ZNF800: variants seen among roughly 807,000 people sequenced by gnomAD.
ZNF800 encodes the protein zinc finger protein 800.
Under a neutral mutation model 59.5 loss-of-function variants are expected in ZNF800, and 13 were observed. The observed-to-expected ratio is 0.22, with a 90% CI of 0.14 to 0.35. ZNF800 has a LOEUF of 0.35. Among genes scored for constraint, ZNF800 ranks in the 10% least tolerant of loss-of-function variants. The pLI is 1.00. For missense variants in ZNF800, 621 were observed against 783.7 expected (o/e 0.79, Z 2.48); for synonymous variants, 266 against 265.7 (o/e 1.00, Z -0.01).
chr7:127,375,043 G>A lies in ZNF800; in HGVS notation c.302-9C>T, dbSNP rs776134122. 165 of 1,528,242 alleles carry A rather than the reference G, an allele frequency of 1.1e-4. No homozygotes were observed. The highest frequency in any genetic ancestry group is 1.4e-4 in the Non-Finnish European group (162 of 1,144,216). The allele number at this position is 1,528,242 out of a possible 1,614,324, so 94.7% of individuals were successfully genotyped here. A position where few individuals can be genotyped will look rare whatever the true frequency, so the allele number is the denominator to read the frequency against. On this transcript the variant is annotated splice_polypyrimidine_tract_variant and intron_variant, in intron 4 of 5. Coordinates refer to ENST00000265827, the MANE Select transcript of ZNF800 (RefSeq NM_176814.5). ...ATTTACATCAGGAAGGTCTGTTAAG[G>A]AAAAAACAACATTTTAATCTGAAGT...
At chr7:127,384,227 C>CTTTTT (rs577977623) in intron 3 of ZNF800, among the ~76,000 whole-genome samples, 1,929 of 63,276 alleles carry the variant, frequency 0.03, 383 homozygotes, top group African/African-American at 0.071. Flanking sequence ...ATTCTAACTT[C>CTTTTT]TTTTTTTTTT....
downstream of ZNF800, among the ~76,000 whole-genome samples, chr7:127,343,235 A>G (rs1024409054): frequency 1.3e-5 from 2 of 151,812 alleles, no homozygotes; most frequent in African/African-American, 4.8e-5. Context: ...ATGAAAAGTT[A>G]TATTAATATT....
In ZNF800 at chr7:127,373,391, C is replaced by T; in HGVS notation, c.1945G>A (p.Glu649Lys). The T allele has an allele frequency of 6.2e-7, 1 of 1,612,082 alleles. No homozygotes were observed. The highest frequency in any genetic ancestry group is 8.5e-7 in the Non-Finnish European group (1 of 1,178,920). ...CTTCGGCCTTTGGTTTTGTTTCCTT[C>T]AGGTGAATTGGAAGCATTTGCCTTA... is the stretch of plus-strand genomic sequence containing the variant. ...THKANASNSPEGNKTKGRSTR... is the reference protein window; with the variant it reads ...THKANASNSPKGNKTKGRSTR... The change falls in exon 5 of 6, where the codon GAA becomes AAA. Residue 649 changes from glutamate to lysine, a missense_variant. By Grantham distance (56) the Glu-to-Lys change is moderately conservative. This residue lies in a region of ZNF800 where 94 missense variants were observed against 108.5 expected (regional missense o/e 0.87). Transcript: ENST00000265827.
rs572432761 is a variant in ZNF800 at position 127,374,004 on chromosome 7, C to T, written c.1332G>A (p.Pro444=). The T allele has an allele frequency of 1.4e-5, 22 of 1,613,846 alleles. No individual in the cohort carries two copies. Among genetic ancestry groups the T allele is most frequent in the South Asian group, 9.9e-5 (9 of 91,062 alleles). The change falls in exon 5 of 6, where the codon CCG becomes CCA. Residue 444 remains proline (P), a synonymous_variant. Coordinates refer to ENST00000265827, the MANE Select transcript of ZNF800 (RefSeq NM_176814.5). ...GTTTAACTTTATTTTTCTGTGCTGC[C>T]GGTGTGTTCTTTTTTTCATTTGAAT... is the stretch of plus-strand genomic sequence containing the variant. The part of the protein sequence containing the change: ...TNHSNEKKNT[P]AAQKNKVKQD...
At chr7:127,349,823 T>C (rs1800137750) in intron 1 of ZNF800, 1 of 152,198 alleles carries the variant, frequency 6.6e-6, no homozygotes, top group Non-Finnish European at 1.5e-5. Context: ...CAAACAATGT[T>C]AAATACAAAT....
chr7:127,374,253 G>A lies in ZNF800; in HGVS notation c.1083C>T (p.Cys361=). The change falls in exon 5 of 6, where the codon TGC becomes TGT. Residue 361 remains cysteine, a synonymous_variant. Transcript: ENST00000265827. The part of the protein sequence containing the change: ...KAEYNLTACK[C]LLCKRKYSSQ... ...AACTATATTTCCTCTTGCAAAGGAG[G>A]CATTTGCATGCAGTTAAATTGTATT... The A allele has an allele frequency of 1.9e-6, 3 of 1,613,898 alleles. No homozygotes were observed. Among genetic ancestry groups the A allele is most frequent in the South Asian group, 1.1e-5 (1 of 91,074 alleles).
rs138285367 is a variant in ZNF800, at chr7:127,391,513, G to A, written c.45C>T (p.His15=). The change falls in exon 2 of 6, where the codon CAC becomes CAT. Residue 15 remains histidine, a synonymous_variant. Coordinates refer to ENST00000265827, the MANE Select transcript of ZNF800 (RefSeq NM_176814.5). ...DKYCQTDHHH[H]GCCEPVYILE... ...GGGGTCTACCTGGTTCACAGCATCC[G>A]TGATGATGGTGGTCAGTCTGACAGT... The A allele has an allele frequency of 4.3e-6, 7 of 1,614,190 alleles. No individual in the cohort carries two copies. The highest frequency in any genetic ancestry group is 1.3e-5 in the African/African-American group (1 of 75,042).
At chr7:127,351,542 T>C (rs1025582651) in intron 1 of ZNF800, 2 of 152,220 alleles carry the variant, frequency 1.3e-5, no homozygotes, top group African/African-American at 4.8e-5. Flanking sequence ...ACTTCCCAGA[T>C]GGATGGAGAG....
intron 1 of ZNF800, among the ~76,000 whole-genome samples, chr7:127,350,803 C>A (rs954975586): frequency 6.6e-6 from 1 of 152,204 alleles, no homozygotes; most frequent in South Asian, 2.1e-4. Context: ...TGCAGCAATC[C>A]TTTCCTCATC....
chr7:127,355,731 A>G (rs1392058912), intron 1 of ZNF800, among the ~76,000 whole-genome samples: 4 of 152,080 alleles, frequency 2.6e-5, no homozygotes, highest in Non-Finnish European at 5.9e-5. Flanking sequence ...AATATTAAAA[A>G]TTATTTTTCA....
chr7:127,343,553 C>G (rs1207048403), downstream of ZNF800, among the ~76,000 whole-genome samples: 1 of 151,984 alleles, frequency 6.6e-6, no homozygotes. Flanking sequence ...TACTCATCCT[C>G]CCTTAAAGAG....
At chr7:127,381,328 C>A (rs897014595) in intron 3 of ZNF800, among the ~76,000 whole-genome samples, 3 of 152,082 alleles carry the variant, frequency 2.0e-5, no homozygotes, top group African/African-American at 4.8e-5. Context: ...CATCACAACT[C>A]CTGAAGGAAA....
exon 2 of ZNF800, chr7:127,347,069 C>T (rs1409553524): frequency 1.3e-5 from 2 of 152,342 alleles, no homozygotes; most frequent in Non-Finnish European, 2.9e-5. Context: ...GGCAGGGGGA[C>T]CTGTCAGTCA....
intron 1 of ZNF800, among the ~76,000 whole-genome samples, chr7:127,357,482 G>C (rs562053519): frequency 6.6e-6 from 1 of 152,092 alleles, no homozygotes; most frequent in East Asian, 1.9e-4. Context: ...TTATCAGCCA[G>C]ATGGCTTTCT....
chr7:127,390,137 TTAAC>T (rs1011428647), intron 2 of ZNF800, among the ~76,000 whole-genome samples: 2 of 152,168 alleles, frequency 1.3e-5, no homozygotes, highest in African/African-American at 4.8e-5. Flanking sequence ...GATGGTTTCA[TTAAC>T]TAATTCAACT....
At chr7:127,361,899 T>C (rs1216072012) in intron 1 of ZNF800, 1 of 152,186 alleles carries the variant, frequency 6.6e-6, no homozygotes, top group East Asian at 1.9e-4. Flanking sequence ...CAGAGTTTCA[T>C]TATTAAGCTT....
At chr7:127,368,721 G>T (rs566101856), downstream of ZNF800, among the ~76,000 whole-genome samples, 2 of 151,906 alleles carry the variant, frequency 1.3e-5, no homozygotes, top group Admixed American at 6.6e-5. Context: ...AACACCTACA[G>T]GGAAACTCCT....
downstream of ZNF800, among the ~76,000 whole-genome samples, chr7:127,368,932 C>G: frequency 6.6e-6 from 1 of 150,748 alleles, no homozygotes; most frequent in East Asian, 2.0e-4. Context: ...TTCATATATA[C>G]AAAACTAGAC....
chr7:127,369,522 C>T (rs939263015), downstream of ZNF800, among the ~76,000 whole-genome samples: 12 of 152,212 alleles, frequency 7.9e-5, no homozygotes, highest in African/African-American at 2.9e-4. Context: ...AAGAACAATA[C>T]TTTGTGGTCA....
Sources: allele counts gnomAD v4.1 joint callset (sites outside exome capture counted in the v4.1 genomes callset), GRCh38; gene constraint gnomAD v4.1.1; regional missense constraint gnomAD v4.1.1; transcripts MANE v1.5; gene names NCBI Gene and HGNC (gene_info 2026-07-23, HGNC 2026-07-21).